OXSR1: variants seen among roughly 807,000 people sequenced by gnomAD.
OXSR1 encodes serine/threonine-protein kinase OSR1.
OXSR1 carries 24 observed loss-of-function variants against 79.8 expected under a neutral mutation model. The observed-to-expected ratio is 0.30, with a 90% CI of 0.22 to 0.42. The LOEUF (loss-of-function observed/expected upper bound fraction) is 0.42. Among genes scored for constraint, OXSR1 ranks in the 10% least tolerant of loss-of-function variants. The pLI, the probability that OXSR1 is intolerant of heterozygous loss-of-function variation, is 1.00. For missense variants in OXSR1, 430 were observed against 618.4 expected (o/e 0.70, Z 3.23); for synonymous variants, 226 against 209.2 (o/e 1.08, Z -0.69).
intron 2 of OXSR1, among the ~76,000 whole-genome samples, chr3:38,183,405 AATTT>A (rs1201376821): frequency 3.9e-5 from 6 of 152,182 alleles, no homozygotes; most frequent in African/African-American, 1.4e-4. Flanking sequence ...TTCATTTAAT[AATTT>A]ATCATAGAAC....
intron 16 of OXSR1, among the ~76,000 whole-genome samples, chr3:38,252,109 A>G (rs1292120590): frequency 6.6e-6 from 1 of 152,236 alleles, no homozygotes; most frequent in Non-Finnish European, 1.5e-5. Flanking sequence ...AGGTTAATAC[A>G]ACATTTTAAA....
At chr3:38,223,298 T>C (rs1316037560) in intron 6 of OXSR1, among the ~76,000 whole-genome samples, 1 of 151,342 alleles carries the variant, frequency 6.6e-6, no homozygotes, top group Non-Finnish European at 1.5e-5. Flanking sequence ...ATTAAAACAA[T>C]TTTTTTTTGT....
intron 1 of OXSR1, among the ~76,000 whole-genome samples, chr3:38,167,106 G>A (rs577445891): frequency 9.8e-5 from 15 of 152,338 alleles, no homozygotes; most frequent in African/African-American, 3.6e-4. Context: ...AGATCTTAGG[G>A]ATCTTCTCAG....
intron 8 of OXSR1, 32 bp downstream of exon 8, chr3:38,224,736 C>G (rs758608833): frequency 1.4e-6 from 2 of 1,427,870 alleles, no homozygotes; most frequent in South Asian, 1.3e-5. Context: ...ACTTTTCTCT[C>G]TAATAAAACA....
intron 1 of OXSR1, among the ~76,000 whole-genome samples, chr3:38,166,197 A>C (rs1701451668): frequency 6.6e-6 from 1 of 152,104 alleles, no homozygotes; most frequent in East Asian, 1.9e-4. Flanking sequence ...ATTTGTGTAC[A>C]GGATTCTCAA....
intron 11 of OXSR1, among the ~76,000 whole-genome samples, chr3:38,238,187 C>T (rs1702958117): frequency 6.6e-6 from 1 of 152,012 alleles, no homozygotes; most frequent in African/African-American, 2.4e-5. Context: ...AGTTTTCTGT[C>T]CAGTATTTTT....
In OXSR1 at chr3:38,253,056, C is replaced by G; in HGVS notation, c.*165C>G. 1 of 609,326 alleles carries G rather than the reference C, an allele frequency of 1.6e-6. No homozygotes were observed. Among genetic ancestry groups the G allele is most frequent in the Non-Finnish European group, 2.9e-6 (1 of 344,462 alleles). The allele number at this position is 609,326 out of a possible 1,614,324, so 37.7% of individuals were successfully genotyped here. A position where few individuals can be genotyped will look rare whatever the true frequency, so the allele number is the denominator to read the frequency against. ...CCTGCCATCATTCCTCCTTTTCCCA[C>G]AGGGAAAGAAAAGTTGGATCACTAG... On this transcript the variant is annotated 3_prime_UTR_variant, in exon 18 of 18. Transcript: ENST00000311806.
intron 4 of OXSR1, among the ~76,000 whole-genome samples, chr3:38,209,134 T>C (rs891044997): frequency 3.9e-5 from 6 of 152,188 alleles, no homozygotes; most frequent in African/African-American, 1.2e-4. Flanking sequence ...TCTGGGTCTT[T>C]GCTTTCCTAT....
At chr3:38,177,899 A>C (rs1701703522) in intron 1 of OXSR1, among the ~76,000 whole-genome samples, 1 of 151,250 alleles carries the variant, frequency 6.6e-6, no homozygotes, top group Non-Finnish European at 1.5e-5. Flanking sequence ...TGTGTTCTTA[A>C]ATATTGGATT....
At chr3:38,206,076 GAAA>G (rs1209070770) in intron 4 of OXSR1, among the ~76,000 whole-genome samples, 1 of 151,902 alleles carries the variant, frequency 6.6e-6, no homozygotes, top group Non-Finnish European at 1.5e-5. Context: ...AATCTCTAAA[GAAA>G]AAAAGTTATT....
intron 1 of OXSR1, among the ~76,000 whole-genome samples, chr3:38,178,577 T>C (rs1251514493): frequency 2.0e-5 from 3 of 147,740 alleles, no homozygotes; most frequent in African/African-American, 7.5e-5. Context: ...TAGCTGGGAC[T>C]GCAGGCCTGC....
At position 38,241,814 on chromosome 3, in the gene OXSR1, T is replaced by A. The variant is rs189551506; in HGVS notation, c.1075-929T>A. ...TTACAAAGTTGTTTGTTTTTTTTTT[T>A]AAAAAAAAGGTTTTGGGTTGGTCAC... On this transcript the variant is annotated intron_variant, in intron 11 of 17. Coordinates refer to ENST00000311806, the MANE Select transcript of OXSR1 (RefSeq NM_005109.3). 4.6e-3 allele frequency among the ~76,000 whole-genome samples: 700 copies of A among 151,028 alleles called. 8 individuals are homozygous for A. Among genetic ancestry groups the A allele is most frequent in the East Asian group, 0.016 (83 of 5,178 alleles).
chr3:38,214,171 C>CTT (rs749047070), intron 4 of OXSR1, among the ~76,000 whole-genome samples: 3 of 139,192 alleles, frequency 2.2e-5, no homozygotes, highest in African/African-American at 5.2e-5. Context: ...TTATACACTA[C>CTT]TTTTTTTTTT....
chr3:38,231,473 T>C (rs1243826407), intron 10 of OXSR1, among the ~76,000 whole-genome samples: 1 of 152,194 alleles, frequency 6.6e-6, no homozygotes, highest in East Asian at 1.9e-4. Context: ...CTTCACTTTA[T>C]GTCAAGTCTA....
Position 38,224,638 on chromosome 3 carries a change from TG to T in OXSR1, c.771del (p.Lys259AsnfsTer9). The T allele has an allele frequency of 6.3e-7, 1 of 1,595,046 alleles. No individual in the cohort carries two copies. The highest frequency in any genetic ancestry group is 1.1e-5 in the South Asian group (1 of 87,726). On this transcript the variant is annotated frameshift_variant, in exon 8 of 18. Transcript: ENST00000311806. LOFTEE classifies it high-confidence loss of function. ...LETGVQDKEM[L>X]KKYGKSFRKM... is the part of the protein sequence containing the mutation. Reference sequence around the variant, plus strand: ...ACTGGTGTTCAAGATAAAGAAATGCTGAAAAAATATGGAAAATCATTTAGAA... The same window carrying T: ...ACTGGTGTTCAAGATAAAGAAATGCTAAAAAATATGGAAAATCATTTAGAA...
At chr3:38,217,370 A>G (rs1056060227) in intron 5 of OXSR1, among the ~76,000 whole-genome samples, 2 of 152,194 alleles carry the variant, frequency 1.3e-5, no homozygotes, top group Non-Finnish European at 2.9e-5. Context: ...GCATACTGTT[A>G]GACTTTTGCT....
In OXSR1 at chr3:38,242,815, A is replaced by T. The variant is rs371555939; in HGVS notation, c.1110+37A>T. 81 of 1,310,460 alleles carry T rather than the reference A, an allele frequency of 6.2e-5. No individual in the cohort carries two copies. In the African/African-American group the frequency reaches 1.2e-3, roughly 19 times the overall value. The allele number at this position is 1,310,460 out of a possible 1,614,324, so 81.2% of individuals were successfully genotyped here. A position where few individuals can be genotyped will look rare whatever the true frequency, so the allele number is the denominator to read the frequency against. ...TGATTATTGAATCCTTGTTAAAGTA[A>T]ATGTGCTTTTGTTTTGGTTTCAATT... is the stretch of plus-strand genomic sequence containing the variant. On this transcript the variant is annotated intron_variant, in intron 12 of 17. Transcript: ENST00000311806.
chr3:38,243,339 T>C (rs1703073916), intron 12 of OXSR1, among the ~76,000 whole-genome samples: 1 of 152,154 alleles, frequency 6.6e-6, no homozygotes, highest in Non-Finnish European at 1.5e-5. Flanking sequence ...TGAAAAGTAG[T>C]GTTTTTGCAT....
At chr3:38,186,565 A>G (rs1363016563) in intron 2 of OXSR1, among the ~76,000 whole-genome samples, 1 of 152,212 alleles carries the variant, frequency 6.6e-6, no homozygotes, top group Non-Finnish European at 1.5e-5. Context: ...TTCATACAAT[A>G]TGTGGCCTTT....
Sources: allele counts gnomAD v4.1 joint callset (sites outside exome capture counted in the v4.1 genomes callset), GRCh38; gene constraint gnomAD v4.1.1; transcripts MANE v1.5; gene names NCBI Gene and HGNC (gene_info 2026-07-23, HGNC 2026-07-21).